The following EIF2AK1 variants were observed in gnomAD, a reference collection of about 807,000 sequenced individuals.
EIF2AK1 encodes the protein eukaryotic translation initiation factor 2 alpha kinase 1.
In EIF2AK1, 54 loss-of-function variants were observed where a neutral mutation model predicts 77.9. The observed-to-expected ratio is 0.69, with a 90% CI of 0.56 to 0.87. The LOEUF is 0.87. EIF2AK1 is among the 40% of genes least tolerant of loss of function. The pLI is 0.00. For synonymous variants in EIF2AK1, 314 were observed against 290.5 expected (o/e 1.08, Z -0.82); for missense variants, 810 against 768.6 (o/e 1.05, Z -0.64).
rs1386150801 is a variant in EIF2AK1 at position 6,026,132 on chromosome 7, C to G, written c.1764+596G>C. On this transcript the variant is annotated intron_variant, in intron 14 of 14. Coordinates refer to ENST00000199389, the MANE Select transcript of EIF2AK1 (RefSeq NM_014413.4). ...ATGCAGCAACCCCATCGGGCACACT[C>G]TTCAGCACTACCCGGGGAGGTACCA... Among the ~76,000 whole-genome samples the G allele has an allele frequency of 3.9e-5, 6 of 152,126 alleles. No individual in the cohort carries two copies. The East Asian group carries it at 1.2e-3, about 29-fold the overall frequency.
rs777189989 is a variant in EIF2AK1, at chr7:6,059,143, G to A, written c.-60C>T. The stretch of plus-strand genomic sequence containing the variant: ...GGCCAGCCCAGCACTGCCACACTCC[G>A]ATGCTGCAGCTAGCGCCGTCCGACC... On this transcript the variant is annotated 5_prime_UTR_variant, in exon 1 of 15. Coordinates refer to ENST00000199389, the MANE Select transcript of EIF2AK1 (RefSeq NM_014413.4). 121 of 1,151,910 alleles carry A rather than the reference G, an allele frequency of 1.1e-4. No individual in the cohort carries two copies. The highest frequency in any genetic ancestry group is 1.3e-4 in the Non-Finnish European group (118 of 880,846). The allele number at this position is 1,151,910 out of a possible 1,614,324, so 71.4% of individuals were successfully genotyped here.
chr7:6,023,605 G>A lies in EIF2AK1; in HGVS notation c.*1068C>T, dbSNP rs1417372255. The A allele has an allele frequency of 1.2e-6, 2 of 1,614,116 alleles. No individual in the cohort carries two copies. The highest frequency in any genetic ancestry group is 2.7e-5 in the African/African-American group (2 of 74,936). On this transcript the variant is annotated 3_prime_UTR_variant, in exon 15 of 15. Coordinates refer to ENST00000199389, the MANE Select transcript of EIF2AK1 (RefSeq NM_014413.4). ...ACTCCAGCAGATCGGAGGCTGCAGT[G>A]TGACAGTGCCAGCCAATGTGCAGAG...
intron 11 of EIF2AK1, chr7:6,031,443 G>T (rs772688273): frequency 2.6e-6 from 4 of 1,550,624 alleles, no homozygotes; most frequent in Non-Finnish European, 3.5e-6. Flanking sequence ...CTGGAAGATG[G>T]CCCATCTGCA....
In EIF2AK1 at chr7:6,039,700, C is replaced by T. The variant is rs192411956; in HGVS notation, c.1120-1029G>A. Among the ~76,000 whole-genome samples, 1,008 of 150,504 alleles carry T rather than the reference C, an allele frequency of 6.7e-3. 7 individuals are homozygous for T. Among genetic ancestry groups the T allele is most frequent in the Middle Eastern group, 0.029 (8 of 280 alleles). On this transcript the variant is annotated intron_variant, in intron 9 of 14. Coordinates refer to ENST00000199389, the MANE Select transcript of EIF2AK1 (RefSeq NM_014413.4). ...CTGTAATCCCAGCACTTTGGGAGGCCGAGGCAGGTGGATCACCTGAGGTCA... is the reference window on the plus strand; with the variant it reads ...CTGTAATCCCAGCACTTTGGGAGGCTGAGGCAGGTGGATCACCTGAGGTCA...
chr7:6,029,800 T>A (rs140192350), intron 11 of EIF2AK1, among the ~76,000 whole-genome samples: 2,021 of 152,034 alleles, frequency 0.013, 31 homozygotes, highest in Middle Eastern at 0.058. Flanking sequence ...CTGGCCAACA[T>A]GGTGAAACCC....
chr7:6,043,329 C>T (rs970957978), intron 7 of EIF2AK1, among the ~76,000 whole-genome samples: 3 of 152,100 alleles, frequency 2.0e-5, no homozygotes, highest in African/African-American at 4.8e-5. Flanking sequence ...GTAATCCCAA[C>T]TCTTTGGGAG....
Position 6,059,173 on chromosome 7 carries a change from A to G in EIF2AK1, c.-90T>C. The G allele has an allele frequency of 2.3e-6, 2 of 880,952 alleles. No individual in the cohort carries two copies. The highest frequency in any genetic ancestry group is 3.1e-6 in the Non-Finnish European group (2 of 639,360). 54.6% of individuals were successfully genotyped at this position (880,952 alleles called of 1,614,324 possible). A position where few individuals can be genotyped will look rare whatever the true frequency, so the allele number is the denominator to read the frequency against. ...TGCAGCTAGCGCCGTCCGACCCGGAAGTAACCCCTCACCAGACGGAAAACC... is the reference window on the plus strand; with the variant it reads ...TGCAGCTAGCGCCGTCCGACCCGGAGGTAACCCCTCACCAGACGGAAAACC... On this transcript the variant is annotated 5_prime_UTR_variant, in exon 1 of 15. Coordinates refer to ENST00000199389, the MANE Select transcript of EIF2AK1 (RefSeq NM_014413.4).
intron 1 of EIF2AK1, among the ~76,000 whole-genome samples, chr7:6,057,772 C>T (rs892423690): frequency 4.6e-5 from 7 of 152,010 alleles, no homozygotes; most frequent in African/African-American, 1.7e-4. Context: ...GCTGGGATTA[C>T]AGGCGACCGC....
Position 6,028,909 on chromosome 7 carries a change from A to G in EIF2AK1, c.1447+9T>C. The G allele has an allele frequency of 6.3e-7, 1 of 1,593,330 alleles. No individual in the cohort carries two copies. The highest frequency in any genetic ancestry group is 2.2e-5 in the East Asian group (1 of 44,790). ...ATGCAAAGAAAACAAAACAAAACCA[A>G]AAACTTACTCTTCCCGTTTCTGTTG... On this transcript the variant is annotated intron_variant, in intron 12 of 14. Transcript: ENST00000199389.
intron 1 of EIF2AK1, among the ~76,000 whole-genome samples, chr7:6,056,891 G>A (rs1468990880): frequency 6.6e-6 from 1 of 151,166 alleles, no homozygotes; most frequent in African/African-American, 2.4e-5. Context: ...CTTATATGTG[G>A]GGAAAAAGTT....
intron 11 of EIF2AK1, chr7:6,031,530 C>T (rs576553747): frequency 6.4e-7 from 1 of 1,550,754 alleles, no homozygotes; most frequent in African/African-American, 1.4e-5. Flanking sequence ...AGAAATCACC[C>T]TGTCAACCAG....
At chr7:6,038,829 C>G (rs1047162973) in intron 9 of EIF2AK1, among the ~76,000 whole-genome samples, 158 bp from the exon 10 acceptor site, 1 of 152,118 alleles carries the variant, frequency 6.6e-6, no homozygotes, top group Non-Finnish European at 1.5e-5. Flanking sequence ...ACAGAAGTGT[C>G]CTCAGGACAC....
At chr7:6,047,212 T>A in intron 4 of EIF2AK1, 121 bp from the exon 5 acceptor site, 1 of 1,048,296 alleles carries the variant, frequency 9.5e-7, no homozygotes, top group Non-Finnish European at 1.5e-6. Context: ...CTGTGCTGAT[T>A]TGGAAAGGAT....
Position 6,032,946 on chromosome 7 carries a change from C to G in EIF2AK1, c.1333-3914G>C. ...CTGACCCAGAAGTCAGGTAAGTTAACTCCACCGAAAATCATTTCTTTTTTT... is the reference window on the plus strand; with the variant it reads ...CTGACCCAGAAGTCAGGTAAGTTAAGTCCACCGAAAATCATTTCTTTTTTT... On this transcript the variant is annotated intron_variant, in intron 11 of 14. Transcript: ENST00000199389. The surrounding 1 kb of genome is among the most constrained non-coding windows in gnomAD (Gnocchi z 4.3). The G allele has an allele frequency of 6.5e-7, 1 of 1,544,844 alleles. No homozygotes were observed. Among genetic ancestry groups the G allele is most frequent in the Non-Finnish European group, 8.8e-7 (1 of 1,142,082 alleles).
intron 1 of EIF2AK1, among the ~76,000 whole-genome samples, chr7:6,055,284 G>A (rs576765926): frequency 1.4e-5 from 2 of 145,440 alleles, no homozygotes; most frequent in South Asian, 2.2e-4. Flanking sequence ...CAGAAGTTGC[G>A]GTGAGCCGAG....
Position 6,035,915 on chromosome 7 carries a change from T to G in EIF2AK1, c.1332+1509A>C. On this transcript the variant is annotated intron_variant, in intron 11 of 14. Transcript: ENST00000199389. The surrounding 1 kb of genome is among the most constrained non-coding windows in gnomAD (Gnocchi z 5.5). ...TCGGGGCGGGGGTCAGCTGCATCCG[T>G]CTGCTACTCACTCACGGAGCCAAAG... 1 of 1,547,228 alleles carries G rather than the reference T, an allele frequency of 6.5e-7. No homozygotes were observed. Among genetic ancestry groups the G allele is most frequent in the Non-Finnish European group, 8.7e-7 (1 of 1,144,840 alleles).
At chr7:6,044,537 T>C (rs764988159) in intron 7 of EIF2AK1, 25 bp downstream of exon 7, 3 of 1,602,176 alleles carry the variant, frequency 1.9e-6, no homozygotes, top group Non-Finnish European at 2.6e-6. Flanking sequence ...ACGCTTCAAC[T>C]ACCATACCAT....
chr7:6,035,981 G>A lies in EIF2AK1; in HGVS notation c.1332+1443C>T, dbSNP rs550856299. Reference sequence around the variant, plus strand: ...ACAAGGGCCAAACAGCCATCCATGAGGCATGCTTTGGAGGCAGAGAGGCAA... The same window carrying A: ...ACAAGGGCCAAACAGCCATCCATGAAGCATGCTTTGGAGGCAGAGAGGCAA... On this transcript the variant is annotated intron_variant, in intron 11 of 14. Coordinates refer to ENST00000199389, the MANE Select transcript of EIF2AK1 (RefSeq NM_014413.4). The surrounding 1 kb of genome is among the most constrained non-coding windows in gnomAD (Gnocchi z 5.5). 9.7e-6 allele frequency: 15 copies of A among 1,550,632 alleles called. No individual in the cohort carries two copies. In the East Asian group the frequency reaches 3.4e-4, roughly 35 times the overall value.
intron 2 of EIF2AK1, 80 bp from the exon 3 acceptor site, chr7:6,050,125 G>A (rs1044006781): frequency 7.9e-6 from 9 of 1,143,326 alleles, no homozygotes; most frequent in African/African-American, 3.2e-5. Flanking sequence ...AGAGAATAAC[G>A]TGTAATAATA....
Sources: allele counts gnomAD v4.1 joint callset (sites outside exome capture counted in the v4.1 genomes callset), GRCh38; gene constraint gnomAD v4.1.1; non-coding constraint Gnocchi (gnomAD v3.1); transcripts MANE v1.5; gene names NCBI Gene and HGNC (gene_info 2026-07-23, HGNC 2026-07-21).